The following USP33 variants were observed in gnomAD, a reference collection of about 807,000 sequenced individuals.
USP33 encodes ubiquitin carboxyl-terminal hydrolase 33.
A neutral mutation model predicts 124.2 loss-of-function variants in USP33; 46 were observed. The ratio of observed to expected loss-of-function variants is 0.37; its 90% CI spans 0.29 to 0.47. The LOEUF (loss-of-function observed/expected upper bound fraction) is 0.47. Among genes scored for constraint, USP33 ranks in the 20% least tolerant of loss-of-function variants. The probability of loss-of-function intolerance (pLI) is 0.99; values close to 1 mark genes in which losing one functional copy is unlikely to be tolerated. For missense variants in USP33, 851 were observed against 1,070.6 expected, an observed-to-expected ratio of 0.79 and a Z score of 2.86; for synonymous variants, 350 against 352.3, an observed-to-expected ratio of 0.99 and a Z score of 0.07.
In USP33 at chr1:77,725,619, T is replaced by C. The variant is rs1490710285; in HGVS notation, c.1276+3A>G. 1 of 1,613,920 alleles carries C rather than the reference T, an allele frequency of 6.2e-7. No individual in the cohort carries two copies. Among genetic ancestry groups the C allele is most frequent in the East Asian group, 2.2e-5 (1 of 44,874 alleles). ...AAGAGACTGAATAAGAGAAACGTTT[T>C]ACCTTTTTTGTGTGGTGGTGCCAAT... On this transcript the variant is annotated splice_donor_region_variant and intron_variant, in intron 11 of 23. Coordinates refer to ENST00000370794, the MANE Select transcript of USP33 (RefSeq NM_201624.3).
At chr1:77,715,921 A>T (rs553866293) in intron 17 of USP33, 53 bp from the exon 18 acceptor site, 38 of 1,558,700 alleles carry the variant, frequency 2.4e-5, no homozygotes, top group Non-Finnish European at 3.0e-5. Context: ...AACAGAAGAA[A>T]GGAGGATAAA....
At chr1:77,734,782 A>ATG (rs1426136594) in intron 6 of USP33, among the ~76,000 whole-genome samples, 1 of 152,222 alleles carries the variant, frequency 6.6e-6, no homozygotes, top group African/African-American at 2.4e-5. Context: ...GTCATGATAA[A>ATG]TGATAAGCAA....
intron 21 of USP33, among the ~76,000 whole-genome samples, chr1:77,706,742 C>T (rs1003299050): frequency 2.0e-5 from 3 of 152,128 alleles, no homozygotes; most frequent in African/African-American, 7.2e-5. Context: ...CTATCTTACA[C>T]GATGTAGTAT....
chr1:77,721,335 T>C (rs965345997), intron 14 of USP33, 130 bp from the exon 15 acceptor site: 1 of 919,202 alleles, frequency 1.1e-6, no homozygotes, highest in Non-Finnish European at 1.7e-6. Context: ...TTTTTTAATC[T>C]ATGCTCATGA....
chr1:77,718,530 T>C (rs1676175332), intron 16 of USP33, 66 bp downstream of exon 16: 7 of 1,241,348 alleles, frequency 5.6e-6, no homozygotes, highest in Non-Finnish European at 8.1e-6. Context: ...TATTACTACA[T>C]TTTGTTACAT....
intron 12 of USP33, 179 bp from the exon 13 acceptor site, chr1:77,722,375 A>G: frequency 1.7e-6 from 1 of 593,092 alleles, no homozygotes; most frequent in South Asian, 2.2e-5. Context: ...AAAAACAAAA[A>G]CAAAAAACAA....
chr1:77,713,074 A>C, intron 20 of USP33, 126 bp downstream of exon 20: 1 of 724,464 alleles, frequency 1.4e-6, no homozygotes, highest in Non-Finnish European at 2.2e-6. Flanking sequence ...CTCACACTTT[A>C]GAATGAATAA....
chr1:77,757,264 A>G (rs769708570), intron 1 of USP33, among the ~76,000 whole-genome samples: 2 of 152,226 alleles, frequency 1.3e-5, no homozygotes, highest in Non-Finnish European at 2.9e-5. Flanking sequence ...TCACTTGACT[A>G]CAAGTTCTTT....
At chr1:77,747,492 A>C (rs1383132873) in intron 1 of USP33, among the ~76,000 whole-genome samples, 1 of 152,050 alleles carries the variant, frequency 6.6e-6, no homozygotes, top group Non-Finnish European at 1.5e-5. Flanking sequence ...CCTAGCCTCA[A>C]GCAATCCTCC....
intron 22 of USP33, among the ~76,000 whole-genome samples, chr1:77,700,752 G>A (rs1374291876): frequency 6.8e-6 from 1 of 147,374 alleles, no homozygotes; most frequent in Non-Finnish European, 1.5e-5. Flanking sequence ...CCAGGCTGGA[G>A]TACAGTGGCA....
chr1:77,711,910 T>C, intron 20 of USP33, 55 bp from the exon 21 acceptor site: 1 of 1,516,846 alleles, frequency 6.6e-7, no homozygotes, highest in Non-Finnish European at 8.9e-7. Flanking sequence ...TTCTAACATT[T>C]AAGTCAGTGG....
chr1:77,715,802 C>T lies in USP33; in HGVS notation c.1985G>A (p.Ser662Asn), dbSNP rs1447211421. The change falls in exon 18 of 24, where the codon AGT (serine) becomes AAT (asparagine). Residue 662 changes from serine to asparagine, a missense_variant. Transcript: ENST00000370794. ...AGTAGATTCTGAAACTTCAGTGACACTCTGATCATCAAATTCATACCAGAG... is the reference window on the plus strand; with the variant it reads ...AGTAGATTCTGAAACTTCAGTGACATTCTGATCATCAAATTCATACCAGAG... ...NNLWYEFDDQ[S>N]VTEVSESTVQ... 2 of 1,613,906 alleles carry T rather than the reference C, an allele frequency of 1.2e-6. No homozygotes were observed. Among genetic ancestry groups the T allele is most frequent in the Admixed American group, 3.3e-5 (2 of 60,010 alleles).
chr1:77,717,845 A>G, intron 17 of USP33, 22 bp downstream of exon 17: 4 of 1,512,612 alleles, frequency 2.6e-6, no homozygotes, highest in Non-Finnish European at 3.5e-6. Flanking sequence ...TCTAGGAACA[A>G]CTGTTAAACC....
intron 1 of USP33, among the ~76,000 whole-genome samples, chr1:77,758,794 C>A (rs1344631746): frequency 6.6e-6 from 1 of 152,160 alleles, no homozygotes. Flanking sequence ...TCTACATCCA[C>A]ATAGTTATTA....
At chr1:77,697,671 T>C in intron 23 of USP33, 192 bp downstream of exon 23, 1 of 892,208 alleles carries the variant, frequency 1.1e-6, no homozygotes, top group Non-Finnish European at 1.7e-6. Context: ...GCTTTTGCTT[T>C]GCTCTTAACA....
chr1:77,743,068 G>A (rs567271255), intron 1 of USP33, among the ~76,000 whole-genome samples: 10 of 151,976 alleles, frequency 6.6e-5, no homozygotes, highest in South Asian at 2.1e-4. Context: ...TCAGCCTCCC[G>A]AGTAGCTGGG....
intron 1 of USP33, chr1:77,746,307 A>G (rs140696985): frequency 0.048 from 7,380 of 152,306 alleles, 237 homozygotes; most frequent in African/African-American, 0.098. Flanking sequence ...TCCTGGACAC[A>G]TACACCCTCC....
chr1:77,728,483 G>A lies in USP33; in HGVS notation c.947C>T (p.Thr316Ile). Residue 316 changes from threonine to isoleucine, a missense_variant, in exon 10 of 24, where the codon ACA (threonine) becomes ATA (isoleucine). Physicochemically the swap from Thr to Ile is moderately conservative, Grantham distance 89. This residue lies in a region of USP33 where 207 missense variants were observed against 200.9 expected (regional missense o/e 1.03). Coordinates refer to ENST00000370794, the MANE Select transcript of USP33 (RefSeq NM_201624.3). The stretch of plus-strand genomic sequence containing the variant: ...GTTTTCATCATCCTGAATTAACATT[G>A]TTGTTTCATTATTATCTTCAGAAAA... ...RCFSEDNNET[T>I]MLIQDDENNS... 1 of 1,613,950 alleles carries A rather than the reference G, an allele frequency of 6.2e-7. No homozygotes were observed. The highest frequency in any genetic ancestry group is 1.1e-5 in the South Asian group (1 of 91,080).
At chr1:77,745,913 C>T (rs1157321992) in intron 1 of USP33, among the ~76,000 whole-genome samples, 3 of 152,080 alleles carry the variant, frequency 2.0e-5, no homozygotes, top group Admixed American at 6.6e-5. Context: ...GCACTAAATG[C>T]CCACAGGAGA....
Sources: allele counts gnomAD v4.1 joint callset (sites outside exome capture counted in the v4.1 genomes callset), GRCh38; gene constraint gnomAD v4.1.1; regional missense constraint gnomAD v4.1.1; transcripts MANE v1.5; gene names NCBI Gene and HGNC (gene_info 2026-07-23, HGNC 2026-07-21).